Variants in GAB4 observed in about 807,000 individuals in gnomAD.
GAB4 encodes GRB2-associated-binding protein 4.
Under a neutral mutation model 51.3 loss-of-function variants are expected in GAB4, and 26 were observed. That is an observed-to-expected ratio of 0.51 (90% CI 0.37 to 0.70). GAB4 has a LOEUF of 0.70. Among genes scored for constraint, GAB4 ranks in the 30% least tolerant of loss-of-function variants. The pLI, the probability that GAB4 is intolerant of heterozygous loss-of-function variation, is 0.00. For missense variants in GAB4, 759 were observed against 734.6 expected (o/e 1.03, Z -0.38); for synonymous variants, 329 against 291.2 (o/e 1.13, Z -1.32).
chr22:16,967,648 G>A (rs143817589), intron 5 of GAB4, among the ~76,000 whole-genome samples: 331 of 152,330 alleles, frequency 2.2e-3, no homozygotes, highest in Non-Finnish European at 3.6e-3. Context: ...ACAGAGTTGC[G>A]CAATGCAGCA....
At chr22:16,993,702 A>G (rs1285555947) in intron 1 of GAB4, among the ~76,000 whole-genome samples, 1 of 152,124 alleles carries the variant, frequency 6.6e-6, no homozygotes, top group African/African-American at 2.4e-5. Flanking sequence ...AGGGGCCCTC[A>G]TGTGGCCCAA....
chr22:17,003,722 A>C (rs912679530), intron 1 of GAB4, among the ~76,000 whole-genome samples: 15 of 152,222 alleles, frequency 9.9e-5, no homozygotes, highest in African/African-American at 3.1e-4. Context: ...CCACAAGAGA[A>C]AGCAGGAAAG....
At chr22:16,990,566 C>A (rs1240539029) in intron 2 of GAB4, among the ~76,000 whole-genome samples, 10 of 152,152 alleles carry the variant, frequency 6.6e-5, no homozygotes, top group Admixed American at 5.2e-4. Flanking sequence ...ATCCTTCATG[C>A]CCCCAGTTGT....
chr22:17,006,785 C>A (rs1245721300), intron 1 of GAB4, among the ~76,000 whole-genome samples: 1 of 152,158 alleles, frequency 6.6e-6, no homozygotes, highest in Non-Finnish European at 1.5e-5. Context: ...CATGTTCTCA[C>A]TCATAAGTGG....
chr22:17,004,848 T>C (rs1338353004), intron 1 of GAB4, among the ~76,000 whole-genome samples: 3 of 152,182 alleles, frequency 2.0e-5, no homozygotes, highest in African/African-American at 7.2e-5. Flanking sequence ...TGATGGAACA[T>C]ATCTCAAAAT....
chr22:17,000,465 C>CTT (rs559397184), intron 1 of GAB4, among the ~76,000 whole-genome samples: 132 of 151,382 alleles, frequency 8.7e-4, no homozygotes, highest in Middle Eastern at 3.4e-3. Flanking sequence ...GCAACCCCTG[C>CTT]TTTTTTTTTG....
At chr22:16,996,266 A>G (rs1001959644) in intron 1 of GAB4, among the ~76,000 whole-genome samples, 1 of 151,932 alleles carries the variant, frequency 6.6e-6, no homozygotes, top group African/African-American at 2.4e-5. Flanking sequence ...AGAAAAAAAA[A>G]CTTAAGGAAT....
At chr22:16,974,681 T>C (rs1226873722) in intron 3 of GAB4, among the ~76,000 whole-genome samples, 2 of 152,182 alleles carry the variant, frequency 1.3e-5, no homozygotes, top group African/African-American at 4.8e-5. Context: ...TGCATTTAAA[T>C]AAATAAACAC....
rs1601268859 is a variant in GAB4 at position 16,982,653 on chromosome 22, T to C, written c.686+5307A>G. Among the ~76,000 whole-genome samples, 4 of 152,114 alleles carry C rather than the reference T, an allele frequency of 2.6e-5. No individual in the cohort carries two copies. In the South Asian group the frequency reaches 8.3e-4, roughly 32 times the overall value. ...TTCTCTACAGAAATAGAAACAAAAA[T>C]TCTAAAATTTATATGAAACCACACA... On this transcript the variant is annotated intron_variant, in intron 3 of 9. Coordinates refer to ENST00000400588, the MANE Select transcript of GAB4 (RefSeq NM_001037814.1).
At chr22:16,983,791 C>T (rs1265777975) in intron 3 of GAB4, among the ~76,000 whole-genome samples, 2 of 152,164 alleles carry the variant, frequency 1.3e-5, no homozygotes, top group African/African-American at 2.4e-5. Flanking sequence ...TCACCCTATA[C>T]AAAAATCAAC....
At chr22:16,978,382 C>T (rs1475226326) in intron 3 of GAB4, among the ~76,000 whole-genome samples, 3 of 152,178 alleles carry the variant, frequency 2.0e-5, no homozygotes, top group African/African-American at 7.2e-5. Context: ...TACCAACTAG[C>T]ATCAGAGGAT....
intron 2 of GAB4, among the ~76,000 whole-genome samples, chr22:16,988,709 G>A (rs1023531896): frequency 6.6e-6 from 1 of 152,182 alleles, no homozygotes; most frequent in African/African-American, 2.4e-5. Context: ...CCAGCACACT[G>A]TTCATCTGGC....
chr22:17,007,654 G>C (rs1227929317), intron 1 of GAB4, among the ~76,000 whole-genome samples: 1 of 152,198 alleles, frequency 6.6e-6, no homozygotes, highest in Non-Finnish European at 1.5e-5. Flanking sequence ...CGAGGCTGCG[G>C]AGCCTGCTGT....
intron 1 of GAB4, among the ~76,000 whole-genome samples, chr22:16,994,243 A>C (rs1397198364): frequency 1.3e-5 from 2 of 152,114 alleles, no homozygotes; most frequent in Non-Finnish European, 2.9e-5. Flanking sequence ...AAAATGACTC[A>C]TGGAAGGTCC....
At chr22:16,975,507 G>A (rs902659282) in intron 3 of GAB4, among the ~76,000 whole-genome samples, 6 of 152,234 alleles carry the variant, frequency 3.9e-5, no homozygotes, top group Non-Finnish European at 2.9e-5. Flanking sequence ...GCTACAGTCC[G>A]AGTCAGGGGT....
In GAB4 at chr22:16,982,663, T is replaced by C. The variant is rs2123686852; in HGVS notation, c.686+5297A>G. On this transcript the variant is annotated intron_variant, in intron 3 of 9. Coordinates refer to ENST00000400588, the MANE Select transcript of GAB4 (RefSeq NM_001037814.1). ...AAATAGAAACAAAAATTCTAAAATT[T>C]ATATGAAACCACACAAGAATCAGAA... 1.3e-5 allele frequency among the ~76,000 whole-genome samples: 2 copies of C among 152,286 alleles called. 1 individual carries two copies. Among genetic ancestry groups the C allele is most frequent in the Middle Eastern group, 6.8e-3 (2 of 294 alleles).
chr22:16,993,492 A>AT (rs1338017215), intron 1 of GAB4, among the ~76,000 whole-genome samples: 1 of 152,088 alleles, frequency 6.6e-6, no homozygotes, highest in African/African-American at 2.4e-5. Flanking sequence ...TACCCCTGTT[A>AT]TTTTCCCCCT....
Position 16,994,220 on chromosome 22 carries a change from C to T in GAB4, c.175-2044G>A, listed in dbSNP as rs115849952. On this transcript the variant is annotated intron_variant, in intron 1 of 9. Coordinates refer to ENST00000400588, the MANE Select transcript of GAB4 (RefSeq NM_001037814.1). ...AAATCACTCTAATCAGGCTGTTCCC[C>T]TTCTGCACCACTAAAATGACTCATG... Among the ~76,000 whole-genome samples, 609 of 152,232 alleles carry T rather than the reference C, an allele frequency of 4.0e-3. 1 individual carries two copies. Among genetic ancestry groups the T allele is most frequent in the Middle Eastern group, 0.024 (7 of 294 alleles).
intron 1 of GAB4, among the ~76,000 whole-genome samples, chr22:17,006,498 A>G (rs770432148): frequency 2.8e-4 from 42 of 152,354 alleles, no homozygotes; most frequent in South Asian, 1.2e-3. Flanking sequence ...CAGCCATCCC[A>G]TTACTGGGTA....
Sources: allele counts gnomAD v4.1 joint callset (sites outside exome capture counted in the v4.1 genomes callset), GRCh38; gene constraint gnomAD v4.1.1; transcripts MANE v1.5; gene names NCBI Gene and HGNC (gene_info 2026-07-23, HGNC 2026-07-21).